ELF1: variants seen among roughly 807,000 people sequenced by gnomAD.
ELF1 encodes ETS-related transcription factor Elf-1.
In ELF1, 24 loss-of-function variants were observed where a neutral mutation model predicts 59.9. That is an observed-to-expected ratio of 0.40 (90% CI 0.29 to 0.56). The LOEUF is 0.56. Ranked by LOEUF, ELF1 falls within the 20% of genes least tolerant of loss-of-function variation. The pLI is 0.44. For synonymous variants in ELF1, 248 were observed against 266.2 expected, an observed-to-expected ratio of 0.93 and a Z score of 0.67; for missense variants, 627 against 742.2, an observed-to-expected ratio of 0.84 and a Z score of 1.80.
At chr13:40,953,144 T>G (rs2138168202) in intron 3 of ELF1, among the ~76,000 whole-genome samples, 1 of 152,168 alleles carries the variant, frequency 6.6e-6, no homozygotes, top group African/African-American at 2.4e-5. Context: ...GCCCAGCTAA[T>G]TCTGTATTTT....
intron 1 of ELF1, among the ~76,000 whole-genome samples, chr13:40,993,851 C>T (rs994643971): frequency 5.3e-5 from 8 of 151,646 alleles, no homozygotes; most frequent in African/African-American, 9.7e-5. Context: ...GTGCCCAGGA[C>T]GTTATCAAAA....
In ELF1 at chr13:40,948,577, G is replaced by A. The variant is rs1178844892; in HGVS notation, c.529+1229C>T. On this transcript the variant is annotated intron_variant, in intron 5 of 8. Coordinates refer to ENST00000239882, the MANE Select transcript of ELF1 (RefSeq NM_172373.4). ...TTCCCTGACTTTCACATGAACTTAGGTTACTGGGTGGGTGGTGATGCTATT... is the reference window on the plus strand; with the variant it reads ...TTCCCTGACTTTCACATGAACTTAGATTACTGGGTGGGTGGTGATGCTATT... Among the ~76,000 whole-genome samples, 5 of 152,108 alleles carry A rather than the reference G, an allele frequency of 3.3e-5. No individual in the cohort carries two copies. The East Asian group carries it at 9.6e-4, about 29-fold the overall frequency.
At position 40,933,580 on chromosome 13, in the gene ELF1, C is replaced by T; in HGVS notation, c.1705G>A (p.Val569Ile). The change falls in exon 9 of 9, where the codon GTA becomes ATA. Residue 569 changes from valine (V) to isoleucine (I), a missense_variant. Val to Ile is a conservative substitution (Grantham distance 29, BLOSUM62 3). Around this residue, in one of 3 missense-constraint regions of ELF1, gnomAD observed 361 missense variants for 396.1 expected, o/e 0.91. Coordinates refer to ENST00000239882, the MANE Select transcript of ELF1 (RefSeq NM_172373.4). ...TQETKTLTQE[V>I]EKKESEDHLK... ...TGATCTTCAGATTCCTTTTTCTCTA[C>T]TTCCTGTGTAAGAGTTTTTGTTTCT... 1 of 1,614,236 alleles carries T rather than the reference C, an allele frequency of 6.2e-7. No homozygotes were observed. Among genetic ancestry groups the T allele is most frequent in the Non-Finnish European group, 8.5e-7 (1 of 1,180,048 alleles).
At chr13:40,998,863 G>A (rs962388399) in intron 1 of ELF1, among the ~76,000 whole-genome samples, 8 of 152,092 alleles carry the variant, frequency 5.3e-5, no homozygotes, top group Non-Finnish European at 8.8e-5. Context: ...CCTGGCCAAC[G>A]TGATGAAATC....
At chr13:41,060,750 G>C (rs770540995) in intron 1 of ELF1, 1 of 169,282 alleles carries the variant, frequency 5.9e-6, no homozygotes, top group Non-Finnish European at 1.3e-5. Flanking sequence ...CCCATACCGG[G>C]AGTCGAACCC....
chr13:40,936,921 T>C (rs1457826242), intron 8 of ELF1, among the ~76,000 whole-genome samples: 2 of 152,100 alleles, frequency 1.3e-5, no homozygotes, highest in Non-Finnish European at 2.9e-5. Flanking sequence ...GCCACTGCAC[T>C]CCAGCCTGGG....
intron 2 of ELF1, among the ~76,000 whole-genome samples, chr13:40,962,674 T>G (rs1871912536): frequency 7.0e-6 from 1 of 142,380 alleles, no homozygotes; most frequent in Non-Finnish European, 1.5e-5. Flanking sequence ...TGAAGAAGAC[T>G]GTCTCAAAAA....
At chr13:41,028,683 C>T (rs1004763781) in intron 1 of ELF1, among the ~76,000 whole-genome samples, 1 of 152,136 alleles carries the variant, frequency 6.6e-6, no homozygotes, top group African/African-American at 2.4e-5. Flanking sequence ...TATTCCTTTA[C>T]TATGTAATAT....
chr13:40,991,006 T>G (rs1873824909), intron 1 of ELF1, among the ~76,000 whole-genome samples: 1 of 152,178 alleles, frequency 6.6e-6, no homozygotes, highest in Admixed American at 6.5e-5. Flanking sequence ...GCATATACCT[T>G]TGATATCATG....
exon 1 of ELF1, chr13:41,061,168 G>A (rs1289201382): frequency 5.0e-6 from 1 of 199,464 alleles, no homozygotes; most frequent in Non-Finnish European, 1.1e-5. Flanking sequence ...CAAAGTGCGT[G>A]CGGAGTAGTT....
At chr13:41,048,168 C>T (rs1876937546) in intron 1 of ELF1, among the ~76,000 whole-genome samples, 1 of 152,194 alleles carries the variant, frequency 6.6e-6, no homozygotes, top group Non-Finnish European at 1.5e-5. Flanking sequence ...TTCTAGGTGC[C>T]TTCTGTCACA....
intron 1 of ELF1, among the ~76,000 whole-genome samples, chr13:41,050,683 T>G (rs1280681593): frequency 6.6e-6 from 1 of 152,184 alleles, no homozygotes; most frequent in Admixed American, 6.5e-5. Context: ...CCCAAGTAGC[T>G]GGGACTACAG....
intron 3 of ELF1, among the ~76,000 whole-genome samples, chr13:40,955,459 G>A (rs1299961350): frequency 2.1e-4 from 27 of 126,050 alleles, no homozygotes; most frequent in East Asian, 5.0e-4. Flanking sequence ...CGCCCCGTCC[G>A]GGAGGTGAGG....
At chr13:40,975,090 T>C (rs191707291) in intron 2 of ELF1, among the ~76,000 whole-genome samples, 15 of 152,340 alleles carry the variant, frequency 9.8e-5, no homozygotes, top group Admixed American at 5.2e-4. Context: ...CCAAAGCAGA[T>C]AGAACCTGGA....
intron 1 of ELF1, among the ~76,000 whole-genome samples, chr13:41,048,822 C>T (rs1336544311): frequency 6.6e-6 from 1 of 152,034 alleles, no homozygotes. Context: ...ATTCTCACTC[C>T]CTGCTTTTCA....
At chr13:40,960,386 G>C (rs184571296) in intron 2 of ELF1, among the ~76,000 whole-genome samples, 2 of 152,092 alleles carry the variant, frequency 1.3e-5, no homozygotes, top group Admixed American at 1.3e-4. Context: ...TTTGCTCTTT[G>C]TCTTTCACAA....
chr13:40,955,336 C>T (rs1871193184), intron 3 of ELF1, among the ~76,000 whole-genome samples: 2 of 145,386 alleles, frequency 1.4e-5, no homozygotes, highest in African/African-American at 5.1e-5. Flanking sequence ...GGGGGTTAGC[C>T]CCCCACCCGG....
chr13:41,046,989 T>C (rs1876875787), intron 1 of ELF1, among the ~76,000 whole-genome samples: 1 of 152,240 alleles, frequency 6.6e-6, no homozygotes, highest in South Asian at 2.1e-4. Flanking sequence ...CGTTTCTTTT[T>C]ACTTTTTTCT....
Position 40,933,929 on chromosome 13 carries a change from T to A in ELF1, c.1356A>T (p.Ile452=). 6.2e-7 allele frequency: 1 copy of A among 1,614,264 alleles called. No homozygotes were observed. The highest frequency in any genetic ancestry group is 1.7e-5 in the Admixed American group (1 of 60,026). ...TACCTGCTGATGGATCTGTGCTGGC[T>A]ATAACTGTTGTGAGTGGCACTGTTT... is the stretch of plus-strand genomic sequence containing the variant. ...TLQTVPLTTV[I]ASTDPSAGTG... is the part of the protein sequence containing the mutation. Residue 452 remains isoleucine (I), a synonymous_variant, in exon 9 of 9, where the codon ATA becomes ATT. Transcript: ENST00000239882.
Sources: allele counts gnomAD v4.1 joint callset (sites outside exome capture counted in the v4.1 genomes callset), GRCh38; gene constraint gnomAD v4.1.1; regional missense constraint gnomAD v4.1.1; transcripts MANE v1.5; gene names NCBI Gene and HGNC (gene_info 2026-07-23, HGNC 2026-07-21).